TENM3: variants seen among roughly 807,000 people sequenced by gnomAD.
The protein encoded by TENM3 is teneurin transmembrane protein 3, also known as teneurin-3.
In TENM3, 63 loss-of-function variants were observed where a neutral mutation model predicts 255.1. That is an observed-to-expected ratio of 0.25 (90% CI 0.20 to 0.30). The LOEUF (loss-of-function observed/expected upper bound fraction) is 0.30. Among genes scored for constraint, TENM3 ranks in the 10% least tolerant of loss-of-function variants. The pLI is 1.00. For missense variants in TENM3, 2,929 were observed against 3,461.1 expected (o/e 0.85, Z 3.86); for synonymous variants, 1,306 against 1,322.3 (o/e 0.99, Z 0.27).
chr4:182,071,428 ATTTCTTTTCTTT>A, the TENM3 span, among the ~76,000 whole-genome samples: 1 of 149,076 alleles, frequency 6.7e-6, no homozygotes, highest in African/African-American at 2.5e-5. Context: ...AAATCATGAT[ATTTCTTTTCTTT>A]TTTCTTTTCT....
chr4:182,010,342 A>G, the TENM3 span, among the ~76,000 whole-genome samples: 1 of 152,166 alleles, frequency 6.6e-6, no homozygotes, highest in Non-Finnish European at 1.5e-5. Context: ...AAGTCTCTAC[A>G]TGAAAACATA....
intron 1 of TENM3, among the ~76,000 whole-genome samples, chr4:182,229,618 A>G (rs1398723023): frequency 6.6e-6 from 1 of 150,892 alleles, no homozygotes; most frequent in African/African-American, 2.5e-5. Context: ...GTGTATATAT[A>G]TGTGTATATA....
intron 1 of TENM3, among the ~76,000 whole-genome samples, chr4:182,178,805 G>A (rs7656907): frequency 0.8 from 121,655 of 152,140 alleles, 49,158 homozygotes; most frequent in African/African-American, 0.88. Context: ...GCATTCTAAA[G>A]TGTTTTCTAG....
the TENM3 span, among the ~76,000 whole-genome samples, chr4:181,597,429 G>T: frequency 6.6e-6 from 1 of 151,740 alleles, no homozygotes; most frequent in Non-Finnish European, 1.5e-5. Flanking sequence ...TCTACGTTAT[G>T]TTCCTCTTTA....
At chr4:181,675,111 C>T in the TENM3 span, among the ~76,000 whole-genome samples, 6 of 152,188 alleles carry the variant, frequency 3.9e-5, no homozygotes, top group East Asian at 1.9e-4. Flanking sequence ...CTGATACACA[C>T]GCCTGAATCC....
intron 1 of TENM3, among the ~76,000 whole-genome samples, chr4:182,212,423 C>T (rs567555593): frequency 4.6e-5 from 7 of 152,242 alleles, no homozygotes; most frequent in Non-Finnish European, 8.8e-5. Flanking sequence ...TCTCTGCAGG[C>T]GCCCGTTGGC....
At chr4:181,776,469 T>C in the TENM3 span, among the ~76,000 whole-genome samples, 1 of 152,108 alleles carries the variant, frequency 6.6e-6, no homozygotes, top group Non-Finnish European at 1.5e-5. Flanking sequence ...GGTAGTTCTA[T>C]TTTTGGATTT....
intron 3 of TENM3, among the ~76,000 whole-genome samples, chr4:182,557,040 C>T (rs1357461276): frequency 2.0e-5 from 3 of 152,134 alleles, no homozygotes; most frequent in African/African-American, 7.2e-5. Context: ...AATATGGTTA[C>T]CAGACATTTT....
the TENM3 span, among the ~76,000 whole-genome samples, chr4:182,123,630 A>G: frequency 6.6e-6 from 1 of 152,212 alleles, no homozygotes; most frequent in African/African-American, 2.4e-5. Flanking sequence ...ATGGCACCCC[A>G]AAACAATTAC....
chr4:181,708,144 T>A, the TENM3 span, among the ~76,000 whole-genome samples: 1 of 152,236 alleles, frequency 6.6e-6, no homozygotes, highest in Non-Finnish European at 1.5e-5. Context: ...ATATATCATG[T>A]TGTAATCCTC....
chr4:182,583,107 C>T (rs566191303), intron 3 of TENM3, among the ~76,000 whole-genome samples: 2 of 152,276 alleles, frequency 1.3e-5, no homozygotes, highest in Admixed American at 1.3e-4. Context: ...TGTGAGATCC[C>T]TAAAGACCAC....
intron 3 of TENM3, among the ~76,000 whole-genome samples, chr4:182,595,737 TAGAG>T (rs1267323483): frequency 1.8e-4 from 27 of 152,160 alleles, no homozygotes; most frequent in African/African-American, 4.3e-4. Context: ...TTCAGAAAGA[TAGAG>T]AGGAATATTT....
chr4:181,605,568 A>AAGAAAGAAAGAAAGAGAG, the TENM3 span, among the ~76,000 whole-genome samples: 1 of 42,164 alleles, frequency 2.4e-5, no homozygotes, highest in African/African-American at 8.6e-5. Flanking sequence ...GAAAGAAAGA[A>AAGAAAGAAAGAAAGAGAG]AGAGAGAGAA....
At chr4:182,600,153 C>T (rs1163340550) in intron 3 of TENM3, among the ~76,000 whole-genome samples, 1 of 152,186 alleles carries the variant, frequency 6.6e-6, no homozygotes, top group Admixed American at 6.5e-5. Flanking sequence ...TGGCATGAGC[C>T]TATCTGGTCA....
chr4:181,543,806 T>A, the TENM3 span, among the ~76,000 whole-genome samples: 5 of 152,332 alleles, frequency 3.3e-5, no homozygotes, highest in East Asian at 9.7e-4. Context: ...TTTTGTTGAT[T>A]ATAACTACAT....
the TENM3 span, among the ~76,000 whole-genome samples, chr4:181,659,036 C>T: frequency 6.6e-6 from 1 of 152,040 alleles, no homozygotes; most frequent in Admixed American, 6.6e-5. Flanking sequence ...TGGATGTTTG[C>T]CATTAAAGGG....
chr4:182,076,704 A>G, the TENM3 span, among the ~76,000 whole-genome samples: 1 of 152,130 alleles, frequency 6.6e-6, no homozygotes, highest in African/African-American at 2.4e-5. Context: ...CTGAGAGTTT[A>G]ACTCAGGGAT....
chr4:181,872,553 C>G, the TENM3 span, among the ~76,000 whole-genome samples: 3 of 152,106 alleles, frequency 2.0e-5, no homozygotes, highest in Non-Finnish European at 2.9e-5. Context: ...GTTCAATATA[C>G]TTATTTCATT....
At chr4:182,166,406 C>T (rs1356959164) in intron 1 of TENM3, among the ~76,000 whole-genome samples, 1 of 152,116 alleles carries the variant, frequency 6.6e-6, no homozygotes, top group East Asian at 1.9e-4. Flanking sequence ...AAGCTTGGCA[C>T]CTCAGTCATG....
Sources: allele counts gnomAD v4.1 joint callset (sites outside exome capture counted in the v4.1 genomes callset), GRCh38; gene constraint gnomAD v4.1.1; transcripts MANE v1.5; gene names NCBI Gene and HGNC (gene_info 2026-07-23, HGNC 2026-07-21).